The following CNTNAP2 variants were observed in gnomAD, a reference collection of about 807,000 sequenced individuals.
CNTNAP2 encodes contactin associated protein 2, also known as contactin-associated protein-like 2.
A neutral mutation model predicts 155.2 loss-of-function variants in CNTNAP2; 98 were observed. That is an observed-to-expected ratio of 0.63 (90% confidence interval 0.54 to 0.75). The LOEUF is 0.75. CNTNAP2 is among the 30% of genes least tolerant of loss of function. The probability of loss-of-function intolerance (pLI) is 0.00; values close to 1 mark genes in which losing one functional copy is unlikely to be tolerated. For missense variants in CNTNAP2, 1,727 were observed against 1,688.1 expected (o/e 1.02, Z -0.40); for synonymous variants, 651 against 631.2 (o/e 1.03, Z -0.47).
At chr7:146,445,046 A>G (rs184604182) in intron 1 of CNTNAP2, among the ~76,000 whole-genome samples, 170 of 152,186 alleles carry the variant, frequency 1.1e-3, no homozygotes, top group African/African-American at 3.9e-3. Context: ...CATTTCATAA[A>G]CAAAAAAACT....
At chr7:148,012,742 T>C (rs1486622543) in intron 15 of CNTNAP2, among the ~76,000 whole-genome samples, 1 of 152,214 alleles carries the variant, frequency 6.6e-6, no homozygotes, top group East Asian at 1.9e-4. Flanking sequence ...ATTAAGCTTT[T>C]ATTTTTCTTC....
intron 20 of CNTNAP2, among the ~76,000 whole-genome samples, chr7:148,242,511 A>C (rs1389688934): frequency 6.6e-6 from 1 of 152,228 alleles, no homozygotes. Flanking sequence ...AATCTTGTGA[A>C]ACTGGCTTGG....
chr7:147,084,526 T>G (rs980227083), intron 4 of CNTNAP2, among the ~76,000 whole-genome samples: 1 of 136,818 alleles, frequency 7.3e-6, no homozygotes, highest in Non-Finnish European at 1.6e-5. Flanking sequence ...TATATACATA[T>G]AATACTATAT....
intron 1 of CNTNAP2, among the ~76,000 whole-genome samples, chr7:146,663,609 C>T (rs577969518): frequency 5.9e-5 from 9 of 151,942 alleles, no homozygotes; most frequent in South Asian, 4.2e-4. Context: ...ATATTTTCTT[C>T]GCTTTAATTT....
At chr7:146,504,432 C>T (rs559026092) in intron 1 of CNTNAP2, among the ~76,000 whole-genome samples, 1 of 152,346 alleles carries the variant, frequency 6.6e-6, no homozygotes, top group East Asian at 1.9e-4. Flanking sequence ...GAAGGTACAA[C>T]ATTGCATTCC....
chr7:146,844,560 T>C (rs908579471), intron 3 of CNTNAP2, among the ~76,000 whole-genome samples: 1 of 152,142 alleles, frequency 6.6e-6, no homozygotes, highest in Admixed American at 6.5e-5. Context: ...CAGAAGTCCA[T>C]TAAACATTAT....
chr7:148,398,489 C>T (rs1799515561), intron 22 of CNTNAP2, among the ~76,000 whole-genome samples: 1 of 152,212 alleles, frequency 6.6e-6, no homozygotes, highest in African/African-American at 2.4e-5. Flanking sequence ...CACAGGATGA[C>T]AAAGCAGATC....
chr7:147,936,382 G>T (rs1184977850), intron 14 of CNTNAP2, among the ~76,000 whole-genome samples: 1 of 151,656 alleles, frequency 6.6e-6, no homozygotes, highest in Non-Finnish European at 1.5e-5. Context: ...GCTAGAAGTG[G>T]TCACTTCAGT....
At chr7:147,866,261 A>G (rs1290074126) in intron 13 of CNTNAP2, among the ~76,000 whole-genome samples, 1 of 143,864 alleles carries the variant, frequency 7.0e-6, no homozygotes, top group Non-Finnish European at 1.5e-5. Flanking sequence ...GCTGAGTTCT[A>G]AATTGATTGC....
intron 8 of CNTNAP2, among the ~76,000 whole-genome samples, chr7:147,294,019 T>C (rs1805367493): frequency 6.6e-6 from 1 of 152,184 alleles, no homozygotes; most frequent in South Asian, 2.1e-4. Context: ...GAAACACTTT[T>C]ATCATTACGA....
At chr7:148,206,722 T>C (rs573688941) in intron 18 of CNTNAP2, among the ~76,000 whole-genome samples, 96 of 152,350 alleles carry the variant, frequency 6.3e-4, no homozygotes, top group African/African-American at 2.0e-3. Context: ...GCTCCAGCCA[T>C]GGTTTTTTCC....
chr7:148,260,470 C>T (rs1796538923), intron 20 of CNTNAP2, among the ~76,000 whole-genome samples: 1 of 152,206 alleles, frequency 6.6e-6, no homozygotes, highest in African/African-American at 2.4e-5. Flanking sequence ...CTCCTTTTTC[C>T]TACTATTGAA....
intron 3 of CNTNAP2, among the ~76,000 whole-genome samples, chr7:147,042,308 T>C (rs1443699827): frequency 6.6e-6 from 1 of 152,190 alleles, no homozygotes; most frequent in Admixed American, 6.5e-5. Flanking sequence ...GACTAAATAT[T>C]ATCCATTATG....
At chr7:146,996,353 A>G (rs1367322423) in intron 3 of CNTNAP2, among the ~76,000 whole-genome samples, 1 of 152,100 alleles carries the variant, frequency 6.6e-6, no homozygotes, top group Non-Finnish European at 1.5e-5. Flanking sequence ...CTACGAACAT[A>G]AAGTCTTCCT....
At chr7:147,031,961 G>C (rs933633145) in intron 3 of CNTNAP2, among the ~76,000 whole-genome samples, 6 of 152,150 alleles carry the variant, frequency 3.9e-5, no homozygotes, top group African/African-American at 1.4e-4. Context: ...TCAGAAAAGT[G>C]TATACACACG....
chr7:146,911,851 AC>A (rs2129217271), intron 3 of CNTNAP2, among the ~76,000 whole-genome samples: 1 of 152,286 alleles, frequency 6.6e-6, no homozygotes, highest in Admixed American at 6.5e-5. Context: ...ATCTTCAAGA[AC>A]ATTATAACCA....
intron 1 of CNTNAP2, among the ~76,000 whole-genome samples, chr7:146,637,732 T>C (rs1485816114): frequency 6.6e-6 from 1 of 152,186 alleles, no homozygotes; most frequent in South Asian, 2.1e-4. Flanking sequence ...AGAGTAGGAA[T>C]TGATTCCTAA....
At chr7:146,979,215 A>G (rs1797969679) in intron 3 of CNTNAP2, among the ~76,000 whole-genome samples, 1 of 152,108 alleles carries the variant, frequency 6.6e-6, no homozygotes, top group Admixed American at 6.5e-5. Context: ...TAAAACCTCT[A>G]AAATCCACAT....
intron 1 of CNTNAP2, among the ~76,000 whole-genome samples, chr7:146,650,366 A>T (rs1424699766): frequency 6.6e-6 from 1 of 152,178 alleles, no homozygotes; most frequent in Non-Finnish European, 1.5e-5. Context: ...ATACAGCCAT[A>T]AAAAATATGA....
Sources: gnomAD v4.1 joint callset for allele counts (sites outside exome capture counted in the v4.1 genomes callset) on GRCh38, gnomAD v4.1.1 for gene constraint, MANE v1.5 for transcripts, NCBI Gene and HGNC (gene_info 2026-07-23, HGNC 2026-07-21) for gene names.